CFAP97D1: variants seen among roughly 807,000 people sequenced by gnomAD.
CFAP97D1 encodes sperm axonemal maintenance protein CFAP97D1.
A neutral mutation model predicts 20.5 loss-of-function variants in CFAP97D1; 15 were observed. The ratio of observed to expected loss-of-function variants is 0.73; its 90% confidence interval spans 0.49 to 1.13. The LOEUF (loss-of-function observed/expected upper bound fraction) is 1.13. CFAP97D1 is among the 50% of genes most tolerant of loss of function. The probability of loss-of-function intolerance (pLI) is 0.00; values close to 1 mark genes in which losing one functional copy is unlikely to be tolerated. For missense variants in CFAP97D1, 168 were observed against 202.9 expected (o/e 0.83, Z 1.04); for synonymous variants, 58 against 71.2 (o/e 0.82, Z 0.93).
chr17:43,782,401 G>A (rs1055661700), intron 3 of CFAP97D1, among the ~76,000 whole-genome samples: 1 of 152,152 alleles, frequency 6.6e-6, no homozygotes. Flanking sequence ...GACCTAATCA[G>A]CTCTCAAAGG....
chr17:43,783,874 TTC>T lies in CFAP97D1; in HGVS notation c.481_482del (p.Ser161ProfsTer3). On this transcript the variant is annotated frameshift_variant, in exon 5 of 6. Transcript: ENST00000449302. LOFTEE classifies it high-confidence loss of function. ...TATATCAGAAATACCACGAGATATC[TTC>T]TCTCCCAAAATGAATAGGTATGTCT... 1 of 1,550,484 alleles carries T rather than the reference TTC, an allele frequency of 6.4e-7. No individual in the cohort carries two copies. The highest frequency in any genetic ancestry group is 8.7e-7 in the Non-Finnish European group (1 of 1,146,632).
rs57998013 is a variant in CFAP97D1 at position 43,785,046 on chromosome 17, T to TGA, written c.*677_*678dup. On this transcript the variant is annotated 3_prime_UTR_variant, in exon 6 of 6. Transcript: ENST00000449302. ...GAGAGTGAGAGAGATAGATAGAGAG[T>TGA]GAGAGAGAGAGAGAAAGAGAGAGAG... 22,671 of 121,424 alleles carry TGA rather than the reference T, an allele frequency of 0.19. 2,755 individuals carry two copies. Among genetic ancestry groups the TGA allele is most frequent in the African/African-American group, 0.39 (13,799 of 35,210 alleles). The allele number at this position is 121,424 out of a possible 1,614,324, so 7.5% of individuals were successfully genotyped here.
intron 3 of CFAP97D1, 198 bp from the exon 4 acceptor site, chr17:43,782,982 T>G (rs149027793): frequency 5.1e-5 from 31 of 609,874 alleles, no homozygotes; most frequent in Non-Finnish European, 7.5e-5. Context: ...ACCACTGATA[T>G]AAACCTGCGA....
chr17:43,781,050 C>A, intron 1 of CFAP97D1, 69 bp from the exon 2 acceptor site: 1 of 1,191,668 alleles, frequency 8.4e-7, no homozygotes, highest in Non-Finnish European at 1.2e-6. Context: ...TTGTCTAGTG[C>A]TGGTTTTCTG....
intron 1 of CFAP97D1, 122 bp from the exon 2 acceptor site, chr17:43,780,997 C>T (rs1221197653): frequency 2.9e-6 from 2 of 688,338 alleles, no homozygotes; most frequent in Admixed American, 3.0e-5. Flanking sequence ...CTTCTTGAGT[C>T]GCATTAAGGT....
chr17:43,783,005 T>C (rs1974490514), intron 3 of CFAP97D1, 175 bp from the exon 4 acceptor site: 9 of 672,272 alleles, frequency 1.3e-5, no homozygotes, highest in South Asian at 9.7e-5. Context: ...GCGGTGCATG[T>C]TTCCCGGAGT....
rs2044298417 is a variant in CFAP97D1, at chr17:43,787,186, C to T, written c.*2804C>T. 1 of 152,098 alleles carries T rather than the reference C, an allele frequency of 6.6e-6. No individual in the cohort carries two copies. Among genetic ancestry groups the T allele is most frequent in the Non-Finnish European group, 1.5e-5 (1 of 68,030 alleles). The allele number at this position is 152,098 out of a possible 1,614,324, so 9.4% of individuals were successfully genotyped here. A position where few individuals can be genotyped will look rare whatever the true frequency, so the allele number is the denominator to read the frequency against. On this transcript the variant is annotated 3_prime_UTR_variant, in exon 6 of 6. Coordinates refer to ENST00000449302, the MANE Select transcript of CFAP97D1 (RefSeq NM_001136483.3). ...TTCACCATGTTGACCCGGCTGGTCT[C>T]AAATTCCTGACCTCAGGTGATCCAC...
Position 43,783,842 on chromosome 17 carries a change from A to T in CFAP97D1, c.444A>T (p.Ser148=). The change falls in exon 5 of 6, where the codon TCA becomes TCT. Residue 148 remains serine, a synonymous_variant. Transcript: ENST00000449302. ...ACCAATTTTTTTCCTTCAAGAATTC[A>T]AGGCGCTATATCAGAAATACCACGA... The part of the protein sequence containing the change: ...RRASEIDWQN[S]RRYIRNTTRY... 6.5e-7 allele frequency: 1 copy of T among 1,549,982 alleles called. No homozygotes were observed. The highest frequency in any genetic ancestry group is 8.7e-7 in the Non-Finnish European group (1 of 1,146,494).
Position 43,782,976 on chromosome 17 carries a change from C to T in CFAP97D1, c.315-204C>T, listed in dbSNP as rs918048752. 4.0e-5 allele frequency: 24 copies of T among 593,038 alleles called. No homozygotes were observed. In the African/African-American group the frequency reaches 4.1e-4, roughly 10 times the overall value. 36.7% of individuals were successfully genotyped at this position (593,038 alleles called of 1,614,324 possible). A position where few individuals can be genotyped will look rare whatever the true frequency, so the allele number is the denominator to read the frequency against. On this transcript the variant is annotated intron_variant, in intron 3 of 5. Transcript: ENST00000449302. ...TCATGGGCAACAGGGTTGAGGACCA[C>T]TGATATAAACCTGCGAATGCGGTGC...
At chr17:43,784,160 C>T (rs571979293) in intron 5 of CFAP97D1, among the ~76,000 whole-genome samples, 1 of 152,208 alleles carries the variant, frequency 6.6e-6, no homozygotes, top group African/African-American at 2.4e-5. Flanking sequence ...AAGACATAAA[C>T]TGGAAGACCT....
At position 43,786,084 on chromosome 17, in the gene CFAP97D1, A is replaced by G. The variant is rs546556964; in HGVS notation, c.*1702A>G. 2.9e-4 allele frequency: 44 copies of G among 152,398 alleles called. 1 individual carries two copies. Among genetic ancestry groups the G allele is most frequent in the Admixed American group, 2.9e-3 (44 of 15,302 alleles). The allele number at this position is 152,398 out of a possible 1,614,324, so 9.4% of individuals were successfully genotyped here. ...GTGTGAGTCTTGGAGTACAAAGGCCAAGGAGCCTAGAGTTGTTGTCCCAGG... is the reference window on the plus strand; with the variant it reads ...GTGTGAGTCTTGGAGTACAAAGGCCGAGGAGCCTAGAGTTGTTGTCCCAGG... On this transcript the variant is annotated 3_prime_UTR_variant, in exon 6 of 6. Transcript: ENST00000449302.
At position 43,780,595 on chromosome 17, in the gene CFAP97D1, G is replaced by A. The variant is rs1460785184; in HGVS notation, c.124+9G>A. ...GAATAGAATACAAATAGGTATGTGG[G>A]CAGTTTGGGCTGGACACTGCTATTA... On this transcript the variant is annotated intron_variant, in intron 1 of 5. Transcript: ENST00000449302. The A allele has an allele frequency of 1.3e-6, 2 of 1,551,664 alleles. No individual in the cohort carries two copies. The highest frequency in any genetic ancestry group is 1.7e-6 in the Non-Finnish European group (2 of 1,146,966).
chr17:43,785,662 A>T lies in CFAP97D1; in HGVS notation c.*1280A>T, dbSNP rs1044680182. ...CTGGTCTTGAACTCCTGACCTCGTG[A>T]TCCGCCCGCCTCGGCCTCTCAAAGT... On this transcript the variant is annotated 3_prime_UTR_variant, in exon 6 of 6. Transcript: ENST00000449302. 6.6e-6 allele frequency: 1 copy of T among 152,174 alleles called. No homozygotes were observed. Among genetic ancestry groups the T allele is most frequent in the African/African-American group, 2.4e-5 (1 of 41,390 alleles). The allele number at this position is 152,174 out of a possible 1,614,324, so 9.4% of individuals were successfully genotyped here.
At chr17:43,784,030 C>T (rs905195867) in intron 5 of CFAP97D1, 137 bp downstream of exon 5, 9 of 574,164 alleles carry the variant, frequency 1.6e-5, no homozygotes, top group East Asian at 2.9e-5. Context: ...GTCTTCCATT[C>T]GGGAAACTTG....
chr17:43,780,704 T>C, intron 1 of CFAP97D1, 118 bp downstream of exon 1: 2 of 1,164,418 alleles, frequency 1.7e-6, no homozygotes, highest in Middle Eastern at 2.0e-4. Flanking sequence ...CCTTATCTGC[T>C]GAGTTTGGGG....
rs754999825 is a variant in CFAP97D1 at position 43,783,906 on chromosome 17, T to C, written c.*13T>C. 1 of 1,541,562 alleles carries C rather than the reference T, an allele frequency of 6.5e-7. No homozygotes were observed. The highest frequency in any genetic ancestry group is 8.8e-7 in the Non-Finnish European group (1 of 1,138,532). On this transcript the variant is annotated intron_variant, in intron 5 of 5. Coordinates refer to ENST00000449302, the MANE Select transcript of CFAP97D1 (RefSeq NM_001136483.3). Reference sequence around the variant, plus strand: ...CCAAAATGAATAGGTATGTCTCTCTTACTATCAAACACTGTGACCACAGCT... The same window carrying C: ...CCAAAATGAATAGGTATGTCTCTCTCACTATCAAACACTGTGACCACAGCT...
In CFAP97D1 at chr17:43,785,266, A is replaced by G. The variant is rs915296603; in HGVS notation, c.*884A>G. ...TGAGCCAGTGGTAGGGTAGAAGAAG[A>G]CAGTTTTATTGAAGCAGCAGTGTTA... On this transcript the variant is annotated 3_prime_UTR_variant, in exon 6 of 6. Coordinates refer to ENST00000449302, the MANE Select transcript of CFAP97D1 (RefSeq NM_001136483.3). 1 of 152,166 alleles carries G rather than the reference A, an allele frequency of 6.6e-6. No homozygotes were observed. The highest frequency in any genetic ancestry group is 1.5e-5 in the Non-Finnish European group (1 of 68,042). 9.4% of individuals were successfully genotyped at this position (152,166 alleles called of 1,614,324 possible).
In CFAP97D1 at chr17:43,786,220, T is replaced by A. The variant is rs2044291578; in HGVS notation, c.*1838T>A. ...GCAAGTTGGATGATGCCTCTCCACA[T>A]TGAGAGTGGATCTTCCCACATAGTT... On this transcript the variant is annotated 3_prime_UTR_variant, in exon 6 of 6. Transcript: ENST00000449302. 6.6e-6 allele frequency: 1 copy of A among 152,188 alleles called. No homozygotes were observed. The highest frequency in any genetic ancestry group is 6.5e-5 in the Admixed American group (1 of 15,286). The allele number at this position is 152,188 out of a possible 1,614,324, so 9.4% of individuals were successfully genotyped here.
At chr17:43,782,640 G>A (rs117472867) in intron 3 of CFAP97D1, among the ~76,000 whole-genome samples, 2 of 152,264 alleles carry the variant, frequency 1.3e-5, no homozygotes, top group Non-Finnish European at 2.9e-5. Context: ...TTGTAGGGGA[G>A]ATATTTATGG....
Sources: gnomAD v4.1 joint callset for allele counts (sites outside exome capture counted in the v4.1 genomes callset) on GRCh38, gnomAD v4.1.1 for gene constraint, MANE v1.5 for transcripts, NCBI Gene and HGNC (gene_info 2026-07-23, HGNC 2026-07-21) for gene names.